The following PLPPR5 variants were observed in gnomAD, a reference collection of about 807,000 sequenced individuals.
The protein encoded by PLPPR5 is phospholipid phosphatase-related protein type 5.
Under a neutral mutation model 33.9 loss-of-function variants are expected in PLPPR5, and 16 were observed. The observed-to-expected ratio is 0.47, with a 90% CI of 0.32 to 0.72. The LOEUF (loss-of-function observed/expected upper bound fraction) is 0.72, where lower values mean the gene tolerates loss of function less well. Among genes scored for constraint, PLPPR5 ranks in the 30% least tolerant of loss-of-function variants. The pLI, the probability that PLPPR5 is intolerant of heterozygous loss-of-function variation, is 0.03. For missense variants in PLPPR5, 301 were observed against 406.7 expected (o/e 0.74, Z 2.23); for synonymous variants, 163 against 150.3 (o/e 1.08, Z -0.62).
At chr1:98,981,412 A>G (rs573360461) in intron 1 of PLPPR5, among the ~76,000 whole-genome samples, 1 of 152,146 alleles carries the variant, frequency 6.6e-6, no homozygotes, top group Admixed American at 6.6e-5. Context: ...TTCAGCCTAA[A>G]CAACTTTGCA....
At chr1:98,925,744 T>C (rs1649732996) in intron 3 of PLPPR5, among the ~76,000 whole-genome samples, 1 of 152,188 alleles carries the variant, frequency 6.6e-6, no homozygotes, top group Admixed American at 6.5e-5. Flanking sequence ...TCAGAGGCTG[T>C]GCTAGGTTTC....
intron 5 of PLPPR5, among the ~76,000 whole-genome samples, chr1:98,907,324 C>G (rs2101104): frequency 0.26 from 39,414 of 150,640 alleles, 5,369 homozygotes; most frequent in Middle Eastern, 0.32. Context: ...GCTTCAGCTT[C>G]CCAAGTAGCT....
intron 1 of PLPPR5, among the ~76,000 whole-genome samples, chr1:98,999,922 T>C (rs978192513): frequency 2.6e-5 from 4 of 152,174 alleles, no homozygotes; most frequent in Admixed American, 6.5e-5. Context: ...CCTTGGTTGG[T>C]GCTGGTTTTC....
intron 3 of PLPPR5, among the ~76,000 whole-genome samples, chr1:98,952,172 A>ACTCG (rs1650807997): frequency 6.6e-6 from 1 of 151,054 alleles, no homozygotes; most frequent in Admixed American, 6.6e-5. Context: ...CTGAGGCAGG[A>ACTCG]GAATGGGGTG....
intron 5 of PLPPR5, among the ~76,000 whole-genome samples, chr1:98,898,612 A>G (rs1275680539): frequency 6.6e-6 from 1 of 152,170 alleles, no homozygotes. Flanking sequence ...TTAAGAAGAA[A>G]TTAGTTAAAC....
At chr1:99,001,552 T>C (rs1467346721) in intron 1 of PLPPR5, among the ~76,000 whole-genome samples, 1 of 151,486 alleles carries the variant, frequency 6.6e-6, no homozygotes, top group African/African-American at 2.4e-5. Context: ...ATATATATTG[T>C]TTTTAATTTT....
intron 5 of PLPPR5, among the ~76,000 whole-genome samples, chr1:98,908,860 A>G (rs1470015342): frequency 6.6e-6 from 1 of 152,164 alleles, no homozygotes; most frequent in Non-Finnish European, 1.5e-5. Context: ...GCCCTAAGGA[A>G]GTACAGGGTT....
intron 1 of PLPPR5, among the ~76,000 whole-genome samples, chr1:98,967,107 A>G (rs941142950): frequency 6.6e-6 from 1 of 152,146 alleles, no homozygotes; most frequent in African/African-American, 2.4e-5. Context: ...ATTCAAACAA[A>G]TAATTATTAT....
chr1:98,953,169 T>C lies in PLPPR5; in HGVS notation c.522A>G (p.Glu174=). ...GATCTGGGTTGCCAGTACAGGCCTC[T>C]TCCCCACTGATGAATTGTGTATACT... ...CQQYTQFISG[E]EACTGNPDLI... is the part of the protein sequence containing the mutation. The change falls in exon 3 of 6, where the codon GAA becomes GAG. Residue 174 remains glutamate (E), a synonymous_variant. Transcript: ENST00000263177. The C allele has an allele frequency of 6.2e-7, 1 of 1,614,172 alleles. No homozygotes were observed. The highest frequency in any genetic ancestry group is 8.5e-7 in the Non-Finnish European group (1 of 1,180,020).
At chr1:98,961,782 G>A (rs143288209) in intron 1 of PLPPR5, among the ~76,000 whole-genome samples, 39 of 152,136 alleles carry the variant, frequency 2.6e-4, no homozygotes, top group African/African-American at 7.9e-4. Flanking sequence ...AGAGGCTCTC[G>A]TCAGTGAGTT....
chr1:98,969,182 C>T (rs995029730), intron 1 of PLPPR5, among the ~76,000 whole-genome samples: 6 of 148,290 alleles, frequency 4.0e-5, no homozygotes, highest in East Asian at 2.0e-4. Context: ...ACAGGGAACA[C>T]GCAAAAGTAA....
At chr1:98,983,337 G>GT (rs1419915331) in intron 1 of PLPPR5, among the ~76,000 whole-genome samples, 2 of 132,488 alleles carry the variant, frequency 1.5e-5, no homozygotes, top group African/African-American at 2.9e-5. Flanking sequence ...AATATGCGGT[G>GT]TTTGGTTTTT....
At chr1:98,962,773 T>G (rs1651293355) in intron 1 of PLPPR5, among the ~76,000 whole-genome samples, 1 of 152,136 alleles carries the variant, frequency 6.6e-6, no homozygotes, top group African/African-American at 2.4e-5. Context: ...GCCTCCTGGG[T>G]AGCTAAGACT....
At chr1:98,900,001 T>C (rs991274616) in intron 5 of PLPPR5, among the ~76,000 whole-genome samples, 1 of 152,096 alleles carries the variant, frequency 6.6e-6, no homozygotes, top group African/African-American at 2.4e-5. Flanking sequence ...CACACTTTTA[T>C]CCCTTATTCA....
intron 4 of PLPPR5, among the ~76,000 whole-genome samples, chr1:98,920,747 A>G (rs1261160897): frequency 6.6e-6 from 1 of 152,158 alleles, no homozygotes; most frequent in African/African-American, 2.4e-5. Context: ...TTGCTTACTG[A>G]TTATTAACTA....
At chr1:98,918,251 G>A (rs1241490327) in intron 4 of PLPPR5, among the ~76,000 whole-genome samples, 1 of 152,138 alleles carries the variant, frequency 6.6e-6, no homozygotes, top group Non-Finnish European at 1.5e-5. Context: ...ACATGGGCAA[G>A]TTACTTTATA....
At chr1:98,916,571 A>T (rs779597386) in intron 4 of PLPPR5, among the ~76,000 whole-genome samples, 3 of 152,212 alleles carry the variant, frequency 2.0e-5, no homozygotes, top group Non-Finnish European at 4.4e-5. Context: ...GTGCAAAAAT[A>T]GCCACGGACA....
chr1:98,901,430 T>C (rs1316463225), intron 5 of PLPPR5, among the ~76,000 whole-genome samples: 1 of 152,090 alleles, frequency 6.6e-6, no homozygotes, highest in Non-Finnish European at 1.5e-5. Flanking sequence ...CAAGGAAGGA[T>C]GTATCAGGAT....
At chr1:98,957,277 G>A (rs1004130017) in intron 1 of PLPPR5, among the ~76,000 whole-genome samples, 1 of 151,456 alleles carries the variant, frequency 6.6e-6, no homozygotes, top group Non-Finnish European at 1.5e-5. Context: ...CATGGCACAT[G>A]TATACATATG....
Sources: allele counts gnomAD v4.1 joint callset (sites outside exome capture counted in the v4.1 genomes callset), GRCh38; gene constraint gnomAD v4.1.1; transcripts MANE v1.5; gene names NCBI Gene and HGNC (gene_info 2026-07-23, HGNC 2026-07-21).